The following SYT1 variants were observed in gnomAD, a reference collection of about 807,000 sequenced individuals.
SYT1 encodes the protein synaptotagmin 1, also known as synaptotagmin-1.
SYT1 carries 8 observed loss-of-function variants against 44.8 expected under a neutral mutation model. The ratio of observed to expected loss-of-function variants is 0.18; its 90% confidence interval spans 0.10 to 0.32. The LOEUF (loss-of-function observed/expected upper bound fraction) is 0.32. Among genes scored for constraint, SYT1 ranks in the 10% least tolerant of loss-of-function variants. The probability of loss-of-function intolerance (pLI) is 1.00; values close to 1 mark genes in which losing one functional copy is unlikely to be tolerated. For synonymous variants in SYT1, 154 were observed against 188.8 expected (o/e 0.82, Z 1.51); for missense variants, 286 against 509.3 (o/e 0.56, Z 4.22).
At chr12:78,934,744 T>G (rs1452251228) in intron 1 of SYT1, among the ~76,000 whole-genome samples, 3 of 152,200 alleles carry the variant, frequency 2.0e-5, no homozygotes, top group African/African-American at 7.2e-5. Flanking sequence ...AAAGATACAC[T>G]GAAATTTACT....
chr12:79,208,640 A>G (rs572653796), intron 3 of SYT1, among the ~76,000 whole-genome samples: 1 of 152,162 alleles, frequency 6.6e-6, no homozygotes, highest in South Asian at 2.1e-4. Flanking sequence ...GAGAAGACAT[A>G]TAGTAGGGGG....
At chr12:79,345,411 A>C (rs143284892) in intron 8 of SYT1, among the ~76,000 whole-genome samples, 1 of 152,284 alleles carries the variant, frequency 6.6e-6, no homozygotes, top group East Asian at 1.9e-4. Context: ...ATTTTTACTC[A>C]TCTAGGTATC....
intron 8 of SYT1, among the ~76,000 whole-genome samples, chr12:79,346,398 A>T (rs1882608509): frequency 6.6e-6 from 1 of 152,214 alleles, no homozygotes; most frequent in South Asian, 2.1e-4. Flanking sequence ...CTAAAAGAGC[A>T]GGTAAATTTC....
rs540529529 is a variant in SYT1 at position 79,181,571 on chromosome 12, A to G, written c.-17-35932A>G. Among the ~76,000 whole-genome samples, 69 of 152,008 alleles carry G rather than the reference A, an allele frequency of 4.5e-4. 1 individual carries two copies. Among genetic ancestry groups the G allele is most frequent in the African/African-American group, 1.6e-3 (67 of 41,486 alleles). On this transcript the variant is annotated intron_variant, in intron 3 of 10. Coordinates refer to ENST00000261205, the MANE Select transcript of SYT1 (RefSeq NM_005639.3). ...AACCGTATACCTTTCTAGATGTCTA[A>G]TATATTTAAATAGTTCCTGAGACCC... is the stretch of plus-strand genomic sequence containing the variant.
chr12:79,177,207 C>T (rs1442801948), intron 3 of SYT1, among the ~76,000 whole-genome samples: 1 of 93,224 alleles, frequency 1.1e-5, no homozygotes, highest in Admixed American at 1.2e-4. Context: ...TCCCCCGACC[C>T]CACCACAGTC....
intron 2 of SYT1, among the ~76,000 whole-genome samples, chr12:79,020,019 T>C (rs908722595): frequency 2.1e-4 from 32 of 151,960 alleles, no homozygotes; most frequent in African/African-American, 7.7e-4. Context: ...AGAGAATGAA[T>C]ACTGCATTCC....
intron 3 of SYT1, among the ~76,000 whole-genome samples, chr12:79,183,507 C>A (rs570749954): frequency 6.6e-6 from 1 of 152,032 alleles, no homozygotes; most frequent in African/African-American, 2.4e-5. Flanking sequence ...AGAGCTACCC[C>A]CAACCACCAA....
intron 1 of SYT1, among the ~76,000 whole-genome samples, chr12:78,958,563 C>G (rs1879335013): frequency 6.6e-6 from 1 of 152,010 alleles, no homozygotes; most frequent in South Asian, 2.1e-4. Context: ...GGTGTGGTGG[C>G]ACACACCTGA....
intron 3 of SYT1, among the ~76,000 whole-genome samples, chr12:79,119,547 A>G (rs935862598): frequency 1.3e-5 from 2 of 151,292 alleles, no homozygotes; most frequent in African/African-American, 4.9e-5. Flanking sequence ...CACTTTTTCT[A>G]TCTAACTCCT....
chr12:79,310,211 A>T (rs1221168323), intron 8 of SYT1, among the ~76,000 whole-genome samples: 6 of 152,156 alleles, frequency 3.9e-5, no homozygotes, highest in South Asian at 4.2e-4. Context: ...TAAGGAAGGG[A>T]TCCAGTTTCA....
chr12:79,362,576 T>C (rs1172064827), intron 9 of SYT1, among the ~76,000 whole-genome samples: 1 of 152,092 alleles, frequency 6.6e-6, no homozygotes, highest in Non-Finnish European at 1.5e-5. Context: ...TGGTATTAGA[T>C]GACTATCTGC....
intron 2 of SYT1, among the ~76,000 whole-genome samples, chr12:79,013,951 C>A (rs756720667): frequency 1.3e-5 from 2 of 151,478 alleles, no homozygotes; most frequent in African/African-American, 4.8e-5. Flanking sequence ...CATGGTGAAA[C>A]CCCGTCTCTA....
intron 9 of SYT1, among the ~76,000 whole-genome samples, chr12:79,434,134 ACTC>A (rs371520429): frequency 3.7e-3 from 560 of 151,976 alleles, no homozygotes; most frequent in African/African-American, 0.012. Flanking sequence ...GTTTCAAAGC[ACTC>A]CTCTGCCACC....
At position 78,988,302 on chromosome 12, in the gene SYT1, G is replaced by A. The variant is rs149095054; in HGVS notation, c.-84+10371G>A. On this transcript the variant is annotated intron_variant, in intron 2 of 10. Transcript: ENST00000261205. ...CAATAAACAACATAAATATATCTAT[G>A]TTATATACTATGTTATCTTTATATC... 4.5e-3 allele frequency among the ~76,000 whole-genome samples: 676 copies of A among 150,398 alleles called. 4 individuals are homozygous for A. The highest frequency in any genetic ancestry group is 0.015 in the African/African-American group (626 of 41,014).
At chr12:79,247,747 G>C (rs1431918844) in intron 4 of SYT1, among the ~76,000 whole-genome samples, 2 of 151,244 alleles carry the variant, frequency 1.3e-5, no homozygotes, top group Non-Finnish European at 2.9e-5. Flanking sequence ...CACAAACATA[G>C]ATACTCAAAA....
chr12:78,959,640 G>A (rs1879401066), intron 1 of SYT1, among the ~76,000 whole-genome samples: 1 of 152,158 alleles, frequency 6.6e-6, no homozygotes, highest in African/African-American at 2.4e-5. Context: ...GTCAAACATA[G>A]AGGTTCTAGC....
chr12:78,876,660 T>TGCACATGTGTACATGTGTGTATATATAC (rs1874098022), intron 1 of SYT1, among the ~76,000 whole-genome samples: 1 of 121,106 alleles, frequency 8.3e-6, no homozygotes, highest in Admixed American at 9.6e-5. Context: ...TACACACGTG[T>TGCACATGTGTACATGTGTGTATATATAC]GCACATGTGT....
chr12:79,400,081 C>T (rs1252361501), intron 9 of SYT1, among the ~76,000 whole-genome samples: 1 of 152,158 alleles, frequency 6.6e-6, no homozygotes, highest in Non-Finnish European at 1.5e-5. Context: ...ATACCTAGTC[C>T]TATTCTTGGA....
At chr12:79,317,118 A>T (rs1409881034) in intron 8 of SYT1, among the ~76,000 whole-genome samples, 1 of 152,118 alleles carries the variant, frequency 6.6e-6, no homozygotes, top group Non-Finnish European at 1.5e-5. Context: ...TTATGGGGGG[A>T]AAACAATCCA....
Sources: gnomAD v4.1 joint callset for allele counts (sites outside exome capture counted in the v4.1 genomes callset) on GRCh38, gnomAD v4.1.1 for gene constraint, MANE v1.5 for transcripts, NCBI Gene and HGNC (gene_info 2026-07-23, HGNC 2026-07-21) for gene names.